L3MBTL1: variants seen among roughly 807,000 people sequenced by gnomAD.
L3MBTL1 encodes lethal(3)malignant brain tumor-like protein 1.
In L3MBTL1, 75 loss-of-function variants were observed where a neutral mutation model predicts 105.3. The ratio of observed to expected loss-of-function variants is 0.71; its 90% CI spans 0.59 to 0.86. The LOEUF (loss-of-function observed/expected upper bound fraction) is 0.86. Ranked by LOEUF, L3MBTL1 falls within the 40% of genes least tolerant of loss-of-function variation. L3MBTL1 has a pLI of 0.00. For synonymous variants in L3MBTL1, 452 were observed against 436.2 expected (o/e 1.04, Z -0.45); for missense variants, 1,069 against 1,126.4 (o/e 0.95, Z 0.73).
rs755588947 is a variant in L3MBTL1 at position 43,515,347 on chromosome 20, C to T, written c.709C>T (p.Pro237Ser). ...GSTSASELLK[P>S]MKKRKRREYQ... ...TACCAGCGCTTCTGAGCTCCTCAAA[C>T]CCATGAAGAAGAGGAAGCGCAGGGA... Residue 237 changes from proline (P) to serine (S), a missense_variant, in exon 6 of 22, where the codon CCC (proline) becomes TCC (serine). Pro to Ser is a moderately conservative substitution (Grantham distance 74, BLOSUM62 -1). Coordinates refer to ENST00000418998, the MANE Select transcript of L3MBTL1 (RefSeq NM_001377303.1). 2.6e-5 allele frequency: 41 copies of T among 1,577,964 alleles called. No individual in the cohort carries two copies. The highest frequency in any genetic ancestry group is 3.4e-5 in the Non-Finnish European group (39 of 1,160,414).
chr20:43,514,195 G>T, intron 3 of L3MBTL1, 134 bp downstream of exon 3: 1 of 855,348 alleles, frequency 1.2e-6, no homozygotes, highest in Non-Finnish European at 1.8e-6. Flanking sequence ...TGGGCTTTGA[G>T]TGAGGGACTC....
At chr20:43,507,928 C>G (rs2018024637) in intron 1 of L3MBTL1, among the ~76,000 whole-genome samples, 184 bp downstream of exon 1, 1 of 152,082 alleles carries the variant, frequency 6.6e-6, no homozygotes, top group Non-Finnish European at 1.5e-5. Context: ...GCGGTCTGGG[C>G]GGAGCGCGCA....
At chr20:43,537,728 T>C (rs1170848226) in intron 19 of L3MBTL1, among the ~76,000 whole-genome samples, 5 of 152,178 alleles carry the variant, frequency 3.3e-5, no homozygotes, top group Non-Finnish European at 7.3e-5. Context: ...GGAATGCATG[T>C]CATTTTAAGG....
chr20:43,508,498 C>T (rs1479572603), intron 1 of L3MBTL1, among the ~76,000 whole-genome samples: 1 of 152,266 alleles, frequency 6.6e-6, no homozygotes, highest in Non-Finnish European at 1.5e-5. Context: ...ACTCCCCACC[C>T]AACACCTATA....
chr20:43,514,111 C>T lies in L3MBTL1; in HGVS notation c.360+50C>T, dbSNP rs1011463015. 2.8e-5 allele frequency: 41 copies of T among 1,464,172 alleles called. No homozygotes were observed. In the East Asian group the frequency reaches 9.6e-4, roughly 34 times the overall value. 90.7% of individuals were successfully genotyped at this position (1,464,172 alleles called of 1,614,324 possible). ...AGCCTCGTAAACCGCAGCCATGGGG[C>T]GGGGCTTGCAGGCCCGGAGGCTGGA... On this transcript the variant is annotated intron_variant, in intron 3 of 21. Transcript: ENST00000418998.
chr20:43,519,590 C>T (rs538912725), intron 7 of L3MBTL1, among the ~76,000 whole-genome samples: 5 of 152,254 alleles, frequency 3.3e-5, no homozygotes, highest in South Asian at 2.1e-4. Context: ...GAGTTGAGAT[C>T]GTGCCATTGC....
Position 43,513,570 on chromosome 20 carries a change from A to G in L3MBTL1, c.67A>G (p.Met23Val). ...LKGPSTGEVS[M>V]HLVAGDSPGS... The stretch of plus-strand genomic sequence containing the variant: ...GGGGCCTTCCACAGGGGAGGTCAGC[A>G]TGCACTTGGTGGCCGGAGACAGCCC... Residue 23 changes from methionine (M) to valine (V), a missense_variant, in exon 2 of 22, where the codon ATG becomes GTG. By Grantham distance (21) the Met-to-Val change is conservative. Coordinates refer to ENST00000418998, the MANE Select transcript of L3MBTL1 (RefSeq NM_001377303.1). The G allele has an allele frequency of 6.4e-7, 1 of 1,550,678 alleles. No homozygotes were observed. The highest frequency in any genetic ancestry group is 8.7e-7 in the Non-Finnish European group (1 of 1,147,004).
chr20:43,530,549 T>G (rs2019280104), intron 10 of L3MBTL1, 130 bp downstream of exon 10: 2 of 1,086,390 alleles, frequency 1.8e-6, no homozygotes, highest in Non-Finnish European at 2.6e-6. Flanking sequence ...CAGCCTCTCT[T>G]CATCGCATCC....
rs1371266802 is a variant in L3MBTL1, at chr20:43,534,856, A to G, written c.1739A>G (p.Tyr580Cys). 11 of 1,611,150 alleles carry G rather than the reference A, an allele frequency of 6.8e-6. No homozygotes were observed. Among genetic ancestry groups the G allele is most frequent in the East Asian group, 2.2e-5 (1 of 44,836 alleles). ...CACTTTGATGGCTGGAGTCATGGCT[A>G]TGATTTCTGGATCGACGCTGACCAC... is the stretch of plus-strand genomic sequence containing the variant. ...KIHFDGWSHG[Y>C]DFWIDADHPD... is the part of the protein sequence containing the mutation. The change falls in exon 16 of 22, where the codon TAT becomes TGT. Residue 580 changes from tyrosine to cysteine, a missense_variant. By Grantham distance (194) the Tyr-to-Cys change is radical. Coordinates refer to ENST00000418998, the MANE Select transcript of L3MBTL1 (RefSeq NM_001377303.1).
intron 11 of L3MBTL1, 145 bp from the exon 12 acceptor site, chr20:43,532,628 C>G: frequency 1.1e-6 from 1 of 884,940 alleles, no homozygotes; most frequent in South Asian, 1.7e-5. Context: ...CTGGAGGGCC[C>G]TCTTTCCCAG....
At chr20:43,533,035 A>G (rs2019422452) in intron 12 of L3MBTL1, 111 bp downstream of exon 12, 2 of 1,054,152 alleles carry the variant, frequency 1.9e-6, no homozygotes, top group South Asian at 1.5e-5. Flanking sequence ...TGACATTCAG[A>G]TCTTCCTCCG....
intron 7 of L3MBTL1, among the ~76,000 whole-genome samples, chr20:43,528,145 G>A (rs1216444090): frequency 2.0e-5 from 3 of 151,980 alleles, no homozygotes; most frequent in Non-Finnish European, 4.4e-5. Flanking sequence ...CACCTGCCTC[G>A]GCCTCCCAAA....
At position 43,534,926 on chromosome 20, in the gene L3MBTL1, C is replaced by G; in HGVS notation, c.1809C>G (p.Pro603=). ...PAGWCSKTGH[P]LQPPLGPREP... ...GCTGGTGCTCCAAGACAGGACATCC[C>G]CTGCAGCCTCCTCTCGGTGTGTACC... The change falls in exon 16 of 22, where the codon CCC becomes CCG. Residue 603 remains proline (P), a synonymous_variant. Transcript: ENST00000418998. The G allele has an allele frequency of 6.2e-7, 1 of 1,602,152 alleles. No homozygotes were observed. The highest frequency in any genetic ancestry group is 1.1e-5 in the South Asian group (1 of 90,676).
chr20:43,532,836 T>C lies in L3MBTL1; in HGVS notation c.1348T>C (p.Ser450Pro). The change falls in exon 12 of 22, where the codon TCC becomes CCC. Residue 450 changes from serine to proline, a missense_variant. By Grantham distance (74) the Ser-to-Pro change is moderately conservative (BLOSUM62 -1). Transcript: ENST00000418998. Reference protein sequence around the residue: ...KLEAVDRMNPSLVCVASVTDV... With the variant: ...KLEAVDRMNPPLVCVASVTDV... ...GGAGGCTGTTGACCGCATGAACCCG[T>C]CCCTTGTCTGCGTGGCCAGTGTGAC... The C allele has an allele frequency of 1.9e-6, 3 of 1,614,198 alleles. No homozygotes were observed. The highest frequency in any genetic ancestry group is 2.5e-6 in the Non-Finnish European group (3 of 1,180,024).
intron 7 of L3MBTL1, among the ~76,000 whole-genome samples, chr20:43,518,499 G>C (rs1287849457): frequency 6.6e-6 from 1 of 152,012 alleles, no homozygotes; most frequent in East Asian, 1.9e-4. Flanking sequence ...ACCATATTTT[G>C]TGAATGATGA....
At position 43,541,894 on chromosome 20, in the gene L3MBTL1, T is replaced by C. The variant is rs1306660035; in HGVS notation, c.*766T>C. 1.0e-6 allele frequency: 1 copy of C among 985,360 alleles called. No individual in the cohort carries two copies. The highest frequency in any genetic ancestry group is 1.2e-6 in the Non-Finnish European group (1 of 829,952). The allele number at this position is 985,360 out of a possible 1,614,324, so 61.0% of individuals were successfully genotyped here. On this transcript the variant is annotated 3_prime_UTR_variant, in exon 22 of 22. Coordinates refer to ENST00000418998, the MANE Select transcript of L3MBTL1 (RefSeq NM_001377303.1). ...CACAATAAACACCAGTTTTGACTTT[T>C]AGTGCATAGTTGTCCTTAAGTAAAG...
chr20:43,547,166 G>A (rs1007617273), intron 18 of L3MBTL1, among the ~76,000 whole-genome samples: 27 of 146,322 alleles, frequency 1.8e-4, no homozygotes, highest in African/African-American at 1.8e-4. Flanking sequence ...GTGCAGTGGC[G>A]CGATCTCGGC....
rs778135308 is a variant in L3MBTL1 at position 43,540,227 on chromosome 20, G to A, written c.2250G>A (p.Val750=). ...CCCACCCTGACCGCTCACTCTCAGT[G>A]TGCTGGGAGCAGCACTGCAAGCTCC... is the stretch of plus-strand genomic sequence containing the variant. ...LSAHPDRSLS[V]CWEQHCKLLP... is the part of the protein sequence containing the mutation. The change falls in exon 20 of 22, where the codon GTG becomes GTA. Residue 750 remains valine (V), a synonymous_variant. Coordinates refer to ENST00000418998, the MANE Select transcript of L3MBTL1 (RefSeq NM_001377303.1). The A allele has an allele frequency of 1.2e-6, 2 of 1,613,786 alleles. No homozygotes were observed. Among genetic ancestry groups the A allele is most frequent in the Non-Finnish European group, 1.7e-6 (2 of 1,180,022 alleles).
intron 17 of L3MBTL1, 51 bp from the exon 18 acceptor site, chr20:43,536,046 G>C: frequency 6.3e-7 from 1 of 1,598,044 alleles, no homozygotes; most frequent in African/African-American, 1.3e-5. Context: ...GCTGAGGAGG[G>C]CTCAGCGGGG....
Sources: gnomAD v4.1 joint callset for allele counts (sites outside exome capture counted in the v4.1 genomes callset) on GRCh38, gnomAD v4.1.1 for gene constraint, MANE v1.5 for transcripts, NCBI Gene and HGNC (gene_info 2026-07-23, HGNC 2026-07-21) for gene names.